Variants in OR9G1 observed in about 807,000 individuals in gnomAD.
The protein encoded by OR9G1 is olfactory receptor 9G1.
Under a neutral mutation model 14.5 loss-of-function variants are expected in OR9G1, and 21 were observed. The ratio of observed to expected loss-of-function variants is 1.45; its 90% CI spans 1.03 to 2.09. OR9G1 has a LOEUF of 2.09. OR9G1 is among the 30% of genes most tolerant of loss of function. OR9G1 has a pLI of 0.00. For synonymous variants in OR9G1, 179 were observed against 153.3 expected (o/e 1.17, Z -1.24); for missense variants, 476 against 364.2 (o/e 1.31, Z -2.50).
Position 56,700,944 on chromosome 11 carries a change from T to C in OR9G1, c.557T>C (p.Leu186Pro). The C allele has an allele frequency of 6.2e-7, 1 of 1,614,258 alleles. No individual in the cohort carries two copies. ...FFCDLLPLVE[L>P]ACGEKGGYKI... ...TGTGATTTGCTTCCCTTGGTGGAGCTGGCCTGTGGCGAGAAGGGCGGCTAT... is the reference window on the plus strand; with the variant it reads ...TGTGATTTGCTTCCCTTGGTGGAGCCGGCCTGTGGCGAGAAGGGCGGCTAT... Residue 186 changes from leucine (L) to proline (P), a missense_variant, in exon 2 of 2, where the codon CTG becomes CCG. Around this residue, in one of 3 missense-constraint regions of OR9G1, gnomAD observed 352 missense variants for 211.6 expected, o/e 1.66. Coordinates refer to ENST00000642097, the MANE Select transcript of OR9G1 (RefSeq NM_001005213.2).
intron 1 of OR9G1, among the ~76,000 whole-genome samples, chr11:56,699,889 AT>A (rs1224167888): frequency 6.6e-6 from 1 of 152,310 alleles, no homozygotes; most frequent in Non-Finnish European, 1.5e-5. Context: ...TTTTCTTAGT[AT>A]TTTCTTAGGC....
In OR9G1 at chr11:56,700,815, T is replaced by G. The variant is rs1857610568; in HGVS notation, c.428T>G (p.Leu143Arg). ...ATGTCCATAAAGCTGTGTGCATTGC[T>G]GGTAGCAGTCTCATATTGTGGTGGC... ...QAMSIKLCAL[L>R]VAVSYCGGFI... Residue 143 changes from leucine (L) to arginine (R), a missense_variant, in exon 2 of 2, where the codon CTG becomes CGG. Leu to Arg is a moderately radical substitution (Grantham distance 102, BLOSUM62 -2). Around this residue, in one of 3 missense-constraint regions of OR9G1, gnomAD observed 352 missense variants for 211.6 expected, o/e 1.66. Transcript: ENST00000642097. 3 of 1,614,202 alleles carry G rather than the reference T, an allele frequency of 1.9e-6. No homozygotes were observed. The Admixed American group carries it at 5.0e-5, about 27-fold the overall frequency.
intron 1 of OR9G1, among the ~76,000 whole-genome samples, chr11:56,700,065 T>A (rs1203616742): frequency 1.3e-5 from 2 of 152,306 alleles, no homozygotes; most frequent in African/African-American, 4.8e-5. Context: ...ATGTACACAT[T>A]TAGCAAAAGA....
rs761449413 is a variant in OR9G1, at chr11:56,700,376, T to A, written c.-12T>A. Reference sequence around the variant, plus strand: ...TCATTTTCTTTCCCCATAGGTGAGATTCCTTACAGCCATGCAGAGGAGCAA... The same window carrying A: ...TCATTTTCTTTCCCCATAGGTGAGAATCCTTACAGCCATGCAGAGGAGCAA... On this transcript the variant is annotated 5_prime_UTR_variant, in exon 2 of 2. Coordinates refer to ENST00000642097, the MANE Select transcript of OR9G1 (RefSeq NM_001005213.2). 3 of 1,613,640 alleles carry A rather than the reference T, an allele frequency of 1.9e-6. No homozygotes were observed.
chr11:56,700,872 C>G lies in OR9G1; in HGVS notation c.485C>G (p.Thr162Arg), dbSNP rs543443299. 6 of 1,614,244 alleles carry G rather than the reference C, an allele frequency of 3.7e-6. No individual in the cohort carries two copies. The East Asian group carries it at 6.7e-5, about 18-fold the overall frequency. Residue 162 changes from threonine to arginine, a missense_variant, in exon 2 of 2, where the codon ACG (threonine) becomes AGG (arginine). Thr to Arg is a moderately conservative substitution (Grantham distance 71, BLOSUM62 -1). Around this residue, in one of 3 missense-constraint regions of OR9G1, gnomAD observed 352 missense variants for 211.6 expected, o/e 1.66. Transcript: ENST00000642097. ...AACTCTTCAATCATCACCAAGAAAA[C>G]GTTTTCCTTTAACTTCTGCCGTGAA... ...FINSSIITKK[T>R]FSFNFCRENI... is the part of the protein sequence containing the mutation.
At chr11:56,700,262 G>C (rs1406277425) in intron 1 of OR9G1, 108 bp from the exon 2 acceptor site, 6 of 1,446,684 alleles carry the variant, frequency 4.1e-6, no homozygotes, top group Non-Finnish European at 4.6e-6. Flanking sequence ...CAAACAATTA[G>C]ATTGTTGGTT....
Position 56,700,907 on chromosome 11 carries a change from G to C in OR9G1, c.520G>C (p.Asp174His), listed in dbSNP as rs1857613398. 1 of 1,614,152 alleles carries C rather than the reference G, an allele frequency of 6.2e-7. No homozygotes were observed. The highest frequency in any genetic ancestry group is 8.5e-7 in the Non-Finnish European group (1 of 1,180,024). Reference protein sequence around the residue: ...SFNFCRENIIDDFFCDLLPLV... With the variant: ...SFNFCRENIIHDFFCDLLPLV... ...TAACTTCTGCCGTGAAAACATCATT[G>C]ATGACTTTTTCTGTGATTTGCTTCC... The change falls in exon 2 of 2, where the codon GAT (aspartate) becomes CAT (histidine). Residue 174 changes from aspartate to histidine, a missense_variant. Coordinates refer to ENST00000642097, the MANE Select transcript of OR9G1 (RefSeq NM_001005213.2).
At position 56,700,512 on chromosome 11, in the gene OR9G1, G is replaced by T. The variant is rs369133517; in HGVS notation, c.125G>T (p.Ser42Ile). The change falls in exon 2 of 2, where the codon AGC becomes ATC. Residue 42 changes from serine to isoleucine, a missense_variant. Coordinates refer to ENST00000642097, the MANE Select transcript of OR9G1 (RefSeq NM_001005213.2). Reference sequence around the variant, plus strand: ...TACTCTCTCACTGTGGTAGGAAATAGCACCCTCATCGTGTTGATCTGTAAT... The same window carrying T: ...TACTCTCTCACTGTGGTAGGAAATATCACCCTCATCGTGTTGATCTGTAAT... ...GVYSLTVVGNSTLIVLICNDS... is the reference protein window; with the variant it reads ...GVYSLTVVGNITLIVLICNDS... 13 of 1,614,190 alleles carry T rather than the reference G, an allele frequency of 8.1e-6. No individual in the cohort carries two copies. Among genetic ancestry groups the T allele is most frequent in the African/African-American group, 1.3e-5 (1 of 74,968 alleles).
At position 56,702,308 on chromosome 11, in the gene OR9G1, T is replaced by C. The variant is rs1224480563; in HGVS notation, c.*1003T>C. The C allele has an allele frequency of 6.6e-6, 1 of 152,306 alleles. No individual in the cohort carries two copies. Among genetic ancestry groups the C allele is most frequent in the African/African-American group, 2.4e-5 (1 of 41,484 alleles). 9.4% of individuals were successfully genotyped at this position (152,306 alleles called of 1,614,324 possible). On this transcript the variant is annotated 3_prime_UTR_variant, in exon 2 of 2. Transcript: ENST00000642097. The stretch of plus-strand genomic sequence containing the variant: ...ATCGATTTATCTGTTGATGGGCACT[T>C]ACGTTGTTTCTAATTGTTAGCTATT...
Position 56,700,563 on chromosome 11 carries a change from A to G in OR9G1, c.176A>G (p.Tyr59Cys), listed in dbSNP as rs752912640. Residue 59 changes from tyrosine (Y) to cysteine (C), a missense_variant, in exon 2 of 2, where the codon TAT becomes TGT. Tyr to Cys is a radical substitution (Grantham distance 194). Transcript: ENST00000642097. ...GACTCCTGCCTCCACACACCCATGTATTTTTTCACTGGAAATCTGTCGTTT... is the reference window on the plus strand; with the variant it reads ...GACTCCTGCCTCCACACACCCATGTGTTTTTTCACTGGAAATCTGTCGTTT... ...CNDSCLHTPM[Y>C]FFTGNLSFLD... 1 of 1,614,316 alleles carries G rather than the reference A, an allele frequency of 6.2e-7. No individual in the cohort carries two copies. Among genetic ancestry groups the G allele is most frequent in the Admixed American group, 1.7e-5 (1 of 60,034 alleles).
At chr11:56,700,328 C>A (rs1216306787) in intron 1 of OR9G1, 42 bp from the exon 2 acceptor site, 20 of 1,594,106 alleles carry the variant, frequency 1.3e-5, no homozygotes, top group Non-Finnish European at 1.6e-5. Context: ...TCTACATATT[C>A]ATGACAGTAA....
rs1394596371 is a variant in OR9G1, at chr11:56,700,395, G to T, written c.8G>T (p.Arg3Met). ...GTGAGATTCCTTACAGCCATGCAGAGGAGCAATCATACAGTGACTGAGTTT... is the reference window on the plus strand; with the variant it reads ...GTGAGATTCCTTACAGCCATGCAGATGAGCAATCATACAGTGACTGAGTTT... MQRSNHTVTEFIL... is the reference protein window; with the variant it reads MQMSNHTVTEFIL... The change falls in exon 2 of 2, where the codon AGG becomes ATG. Residue 3 changes from arginine (R) to methionine (M), a missense_variant. Transcript: ENST00000642097. 11 of 1,614,064 alleles carry T rather than the reference G, an allele frequency of 6.8e-6. No homozygotes were observed. Among genetic ancestry groups the T allele is most frequent in the Non-Finnish European group, 8.5e-6 (10 of 1,179,944 alleles).
chr11:56,701,798 A>G lies in OR9G1; in HGVS notation c.*493A>G, dbSNP rs540675844. 3 of 153,868 alleles carry G rather than the reference A, an allele frequency of 1.9e-5. No individual in the cohort carries two copies. In the South Asian group the frequency reaches 6.2e-4, roughly 32 times the overall value. The allele number at this position is 153,868 out of a possible 1,614,324, so 9.5% of individuals were successfully genotyped here. On this transcript the variant is annotated 3_prime_UTR_variant, in exon 2 of 2. Coordinates refer to ENST00000642097, the MANE Select transcript of OR9G1 (RefSeq NM_001005213.2). ...GCACAAAGATCCAGAGGCACCCAAG[A>G]AATAACTCAGTACAAATGAGACCCA...
chr11:56,700,887 T>G lies in OR9G1; in HGVS notation c.500T>G (p.Phe167Cys). The G allele has an allele frequency of 6.2e-7, 1 of 1,614,268 alleles. No individual in the cohort carries two copies. Reference protein sequence around the residue: ...IITKKTFSFNFCRENIIDDFF... With the variant: ...IITKKTFSFNCCRENIIDDFF... ...ACCAAGAAAACGTTTTCCTTTAACT[T>G]CTGCCGTGAAAACATCATTGATGAC... Residue 167 changes from phenylalanine (F) to cysteine (C), a missense_variant, in exon 2 of 2, where the codon TTC (phenylalanine) becomes TGC (cysteine). By Grantham distance (205) the Phe-to-Cys change is radical. Transcript: ENST00000642097.
In OR9G1 at chr11:56,701,350, T is replaced by G; in HGVS notation, c.*45T>G. ...GAGGAGAAACAAAGACGACCTTAGA[T>G]GGAGTGTTGTGTATTTCAAACAGAG... is the stretch of plus-strand genomic sequence containing the variant. On this transcript the variant is annotated 3_prime_UTR_variant, in exon 2 of 2. Transcript: ENST00000642097. The G allele has an allele frequency of 6.5e-7, 1 of 1,545,808 alleles. No individual in the cohort carries two copies. Among genetic ancestry groups the G allele is most frequent in the Non-Finnish European group, 8.6e-7 (1 of 1,156,382 alleles).
chr11:56,701,308 C>T lies in OR9G1; in HGVS notation c.*3C>T, dbSNP rs1376499796. On this transcript the variant is annotated 3_prime_UTR_variant, in exon 2 of 2. Transcript: ENST00000642097. ...CTCTGAAAAAACTTCTCCCATAAAT[C>T]AAGATTATCTCCACCAGAGGAGAAA... 1 of 1,596,826 alleles carries T rather than the reference C, an allele frequency of 6.3e-7. No homozygotes were observed. Among genetic ancestry groups the T allele is most frequent in the Non-Finnish European group, 8.5e-7 (1 of 1,174,516 alleles).
intron 1 of OR9G1, 99 bp from the exon 2 acceptor site, chr11:56,700,271 T>C: frequency 6.8e-7 from 1 of 1,480,266 alleles, no homozygotes; most frequent in Non-Finnish European, 9.0e-7. Context: ...AGATTGTTGG[T>C]TCTAGACTTC....
In OR9G1 at chr11:56,700,856, A is replaced by G. The variant is rs768416478; in HGVS notation, c.469A>G (p.Ile157Val). The change falls in exon 2 of 2, where the codon ATC (isoleucine) becomes GTC (valine). Residue 157 changes from isoleucine (I) to valine (V), a missense_variant. By Grantham distance (29) the Ile-to-Val change is conservative (BLOSUM62 3). This residue lies in a region of OR9G1 where 352 missense variants were observed against 211.6 expected (regional missense o/e 1.66). Coordinates refer to ENST00000642097, the MANE Select transcript of OR9G1 (RefSeq NM_001005213.2). ...SYCGGFINSS[I>V]ITKKTFSFNF... ...TTGTGGTGGCTTTATTAACTCTTCA[A>G]TCATCACCAAGAAAACGTTTTCCTT... 5.1e-5 allele frequency: 82 copies of G among 1,614,218 alleles called. No homozygotes were observed. In the African/African-American group the frequency reaches 6.7e-4, roughly 13 times the overall value.
rs1041955515 is a variant in OR9G1 at position 56,701,372 on chromosome 11, A to G, written c.*67A>G. The G allele has an allele frequency of 4.6e-6, 7 of 1,525,504 alleles. No individual in the cohort carries two copies. The Admixed American group carries it at 1.5e-4, about 32-fold the overall frequency. The allele number at this position is 1,525,504 out of a possible 1,614,324, so 94.5% of individuals were successfully genotyped here. ...AGATGGAGTGTTGTGTATTTCAAAC[A>G]GAGTTACCATTGTGCTTTATCGTGA... On this transcript the variant is annotated 3_prime_UTR_variant, in exon 2 of 2. Transcript: ENST00000642097.
Sources: allele counts gnomAD v4.1 joint callset (sites outside exome capture counted in the v4.1 genomes callset), GRCh38; gene constraint gnomAD v4.1.1; regional missense constraint gnomAD v4.1.1; transcripts MANE v1.5; gene names NCBI Gene and HGNC (gene_info 2026-07-23, HGNC 2026-07-21).